Variants in ULK4 observed in about 807,000 individuals in gnomAD.
ULK4 encodes the protein unc-51 like kinase 4.
Under a neutral mutation model 160.6 loss-of-function variants are expected in ULK4, and 133 were observed. The observed-to-expected ratio is 0.83, with a 90% CI of 0.72 to 0.96. ULK4 has a LOEUF of 0.96. Ranked by LOEUF, ULK4 falls within the 40% of genes least tolerant of loss-of-function variation. The pLI is 0.00. For synonymous variants in ULK4, 534 were observed against 539.8 expected (o/e 0.99, Z 0.15); for missense variants, 1,580 against 1,499.5 (o/e 1.05, Z -0.89).
chr3:41,535,846 G>A (rs886763628), intron 32 of ULK4, among the ~76,000 whole-genome samples: 1 of 152,194 alleles, frequency 6.6e-6, no homozygotes, highest in Non-Finnish European at 1.5e-5. Flanking sequence ...CTGGGGCCAG[G>A]ATAGAGTTTC....
intron 18 of ULK4, among the ~76,000 whole-genome samples, chr3:41,823,124 C>CA (rs2041206262): frequency 6.6e-6 from 1 of 152,120 alleles, no homozygotes; most frequent in South Asian, 2.1e-4. Context: ...AGACTGTAGA[C>CA]AGGCTGGCTC....
At chr3:41,693,193 G>C (rs1248596491) in intron 27 of ULK4, among the ~76,000 whole-genome samples, 1 of 152,204 alleles carries the variant, frequency 6.6e-6, no homozygotes, top group African/African-American at 2.4e-5. Flanking sequence ...TGGGAAGACT[G>C]TGTCGAAACT....
At chr3:41,409,251 A>T (rs548635490) in intron 34 of ULK4, among the ~76,000 whole-genome samples, 1 of 152,204 alleles carries the variant, frequency 6.6e-6, no homozygotes, top group East Asian at 1.9e-4. Context: ...GCAAGACTCC[A>T]TCTCAAAAAA....
chr3:41,917,165 T>A (rs1390868676), intron 7 of ULK4, among the ~76,000 whole-genome samples: 1 of 152,220 alleles, frequency 6.6e-6, no homozygotes, highest in East Asian at 1.9e-4. Flanking sequence ...TTTGTCTTTT[T>A]AAATTAGTTA....
chr3:41,315,858 A>C (rs554623996), intron 35 of ULK4, among the ~76,000 whole-genome samples: 2 of 152,186 alleles, frequency 1.3e-5, no homozygotes, highest in Non-Finnish European at 2.9e-5. Flanking sequence ...CACCCATTGG[A>C]TGGCCACAAC....
At chr3:41,529,254 C>A (rs531341893) in intron 32 of ULK4, among the ~76,000 whole-genome samples, 1 of 152,036 alleles carries the variant, frequency 6.6e-6, no homozygotes, top group Admixed American at 6.6e-5. Flanking sequence ...TTCATTAAAA[C>A]GAGAAAAATT....
intron 19 of ULK4, among the ~76,000 whole-genome samples, chr3:41,806,499 ATTTTAGTTATTTCTTGCCTTCTGCTAGC>A (rs1325978424): frequency 6.6e-6 from 1 of 151,768 alleles, no homozygotes; most frequent in Non-Finnish European, 1.5e-5. Context: ...TTCTGCTCTG[ATTTTAGTTATTTCTTGCCTTCTGCTAGC>A]TTTTGAATGC....
chr3:41,501,810 A>G (rs9860278), intron 32 of ULK4, among the ~76,000 whole-genome samples: 46,438 of 151,886 alleles, frequency 0.31, 7,276 homozygotes, highest in Non-Finnish European at 0.33. Flanking sequence ...TATGTCCCCA[A>G]TTATCCCATT....
intron 30 of ULK4, among the ~76,000 whole-genome samples, chr3:41,648,077 C>T (rs901725554): frequency 4.6e-5 from 7 of 152,166 alleles, no homozygotes; most frequent in African/African-American, 1.4e-4. Context: ...GGGAGTGACC[C>T]GATTTTCCAG....
At chr3:41,420,418 T>C (rs2125835610) in intron 34 of ULK4, among the ~76,000 whole-genome samples, 1 of 151,234 alleles carries the variant, frequency 6.6e-6, no homozygotes, top group African/African-American at 2.4e-5. Context: ...TTTTTGGCCA[T>C]TTTATAGGAT....
At chr3:41,938,411 C>T (rs1447090500) in intron 2 of ULK4, among the ~76,000 whole-genome samples, 5 of 152,122 alleles carry the variant, frequency 3.3e-5, no homozygotes, top group African/African-American at 1.2e-4. Context: ...TGCAAGATGG[C>T]TCACACCTGT....
At chr3:41,643,201 T>C (rs1347330118) in intron 30 of ULK4, among the ~76,000 whole-genome samples, 4 of 152,264 alleles carry the variant, frequency 2.6e-5, no homozygotes, top group Admixed American at 2.6e-4. Context: ...TTTAATTAGA[T>C]CCCATTTGTC....
At chr3:41,378,088 A>G (rs1465879680) in intron 35 of ULK4, among the ~76,000 whole-genome samples, 1 of 151,082 alleles carries the variant, frequency 6.6e-6, no homozygotes, top group South Asian at 2.1e-4. Flanking sequence ...CATGGATGAA[A>G]TTGGAAATCA....
At chr3:41,951,587 C>A (rs1014566263) in intron 2 of ULK4, among the ~76,000 whole-genome samples, 1 of 152,132 alleles carries the variant, frequency 6.6e-6, no homozygotes, top group Non-Finnish European at 1.5e-5. Flanking sequence ...CAAAACTATT[C>A]AATGAGGAAA....
intron 2 of ULK4, among the ~76,000 whole-genome samples, chr3:41,944,485 A>C (rs1391007393): frequency 6.6e-6 from 1 of 152,092 alleles, no homozygotes; most frequent in Admixed American, 6.6e-5. Context: ...AACTCCTGAT[A>C]ATTCTTTCCA....
chr3:41,717,423 T>C (rs1260008065), intron 23 of ULK4, among the ~76,000 whole-genome samples: 6 of 152,192 alleles, frequency 3.9e-5, no homozygotes, highest in Non-Finnish European at 8.8e-5. Flanking sequence ...CCCCAAATAC[T>C]AGCATAAGTC....
intron 23 of ULK4, among the ~76,000 whole-genome samples, chr3:41,716,417 C>G (rs778093579): frequency 2.6e-5 from 4 of 152,000 alleles, no homozygotes; most frequent in Non-Finnish European, 5.9e-5. Flanking sequence ...TACCCTAAAA[C>G]AGGATAAGTC....
intron 32 of ULK4, among the ~76,000 whole-genome samples, chr3:41,548,729 C>T (rs2086956670): frequency 8.4e-6 from 1 of 118,862 alleles, no homozygotes; most frequent in South Asian, 2.9e-4. Context: ...CATAAATTAA[C>T]CCACCTACAG....
Position 41,809,771 on chromosome 3 carries a change from A to G in ULK4, c.1849-9478T>C, listed in dbSNP as rs867646490. On this transcript the variant is annotated intron_variant, in intron 19 of 36. Transcript: ENST00000301831. ...ATATGCAGTGTTTTGCCCTACCAATATAATCTTTTTTCAATAATTTATTTT... is the reference window on the plus strand; with the variant it reads ...ATATGCAGTGTTTTGCCCTACCAATGTAATCTTTTTTCAATAATTTATTTT... Among the ~76,000 whole-genome samples, 6 of 152,246 alleles carry G rather than the reference A, an allele frequency of 3.9e-5. 1 individual carries two copies. In the South Asian group the frequency reaches 8.3e-4, roughly 21 times the overall value.
Sources: allele counts gnomAD v4.1 joint callset (sites outside exome capture counted in the v4.1 genomes callset), GRCh38; gene constraint gnomAD v4.1.1; transcripts MANE v1.5; gene names NCBI Gene and HGNC (gene_info 2026-07-23, HGNC 2026-07-21).